KIAA0825: variants seen among roughly 807,000 people sequenced by gnomAD.
KIAA0825 encodes the protein KIAA0825.
KIAA0825 carries 119 observed loss-of-function variants against 147.6 expected under a neutral mutation model. That is an observed-to-expected ratio of 0.81 (90% CI 0.69 to 0.94). KIAA0825 has a LOEUF of 0.94. Ranked by LOEUF, KIAA0825 falls within the 40% of genes least tolerant of loss-of-function variation. The pLI is 0.00. For missense variants in KIAA0825, 1,381 were observed against 1,472.7 expected, an observed-to-expected ratio of 0.94 and a Z score of 1.02; for synonymous variants, 470 against 518.1, an observed-to-expected ratio of 0.91 and a Z score of 1.26.
chr5:94,330,279 C>T (rs1781137291), intron 20 of KIAA0825, among the ~76,000 whole-genome samples: 1 of 152,080 alleles, frequency 6.6e-6, no homozygotes, highest in Non-Finnish European at 1.5e-5. Flanking sequence ...TAGCAGAAAA[C>T]ATTCATTTCA....
intron 5 of KIAA0825, among the ~76,000 whole-genome samples, chr5:94,489,198 G>C (rs911420496): frequency 6.6e-6 from 1 of 152,090 alleles, no homozygotes; most frequent in East Asian, 1.9e-4. Flanking sequence ...AAGCCTCCTA[G>C]ACCTTCTCAT....
At chr5:94,193,131 A>C (rs1474087829) in intron 20 of KIAA0825, among the ~76,000 whole-genome samples, 1 of 152,208 alleles carries the variant, frequency 6.6e-6, no homozygotes, top group Non-Finnish European at 1.5e-5. Context: ...CAGCTTAGCT[A>C]GGTGAAAGAA....
intron 2 of KIAA0825, among the ~76,000 whole-genome samples, chr5:94,549,399 T>C (rs1655881264): frequency 1.3e-5 from 2 of 152,140 alleles, no homozygotes; most frequent in Admixed American, 1.3e-4. Flanking sequence ...AAACAAATGA[T>C]AATGGAAACA....
At chr5:94,347,752 A>G (rs1453706142) in intron 20 of KIAA0825, among the ~76,000 whole-genome samples, 1 of 152,178 alleles carries the variant, frequency 6.6e-6, no homozygotes, top group Admixed American at 6.6e-5. Flanking sequence ...ACTCCCAAAA[A>G]TCACACTAGT....
intron 20 of KIAA0825, among the ~76,000 whole-genome samples, chr5:94,376,542 C>G (rs1419438591): frequency 1.3e-5 from 2 of 152,148 alleles, no homozygotes; most frequent in African/African-American, 2.4e-5. Context: ...TCCCTTAGCC[C>G]TACAAATTCT....
At chr5:94,169,322 C>T (rs1768365212) in intron 20 of KIAA0825, among the ~76,000 whole-genome samples, 1 of 152,062 alleles carries the variant, frequency 6.6e-6, no homozygotes, top group Admixed American at 6.5e-5. Context: ...TGGTTCATGC[C>T]TGTAATCTCA....
chr5:94,191,487 A>T (rs1017958848), intron 20 of KIAA0825, among the ~76,000 whole-genome samples: 1 of 152,344 alleles, frequency 6.6e-6, no homozygotes, highest in Admixed American at 6.5e-5. Context: ...AATCATTTTA[A>T]ATGCCATAAT....
At chr5:94,424,075 CCTTA>C (rs749037077) in intron 14 of KIAA0825, among the ~76,000 whole-genome samples, 5 of 152,028 alleles carry the variant, frequency 3.3e-5, no homozygotes, top group Non-Finnish European at 7.4e-5. Context: ...AGCAAACAGG[CCTTA>C]CTAAGTTTCC....
intron 6 of KIAA0825, among the ~76,000 whole-genome samples, chr5:94,481,842 C>T (rs541139694): frequency 6.6e-6 from 1 of 152,148 alleles, no homozygotes; most frequent in East Asian, 1.9e-4. Flanking sequence ...ATTGAAGCAG[C>T]CATTGCTCTT....
chr5:94,586,178 A>G (rs1156236602), intron 1 of KIAA0825, among the ~76,000 whole-genome samples: 1 of 152,192 alleles, frequency 6.6e-6, no homozygotes, highest in Non-Finnish European at 1.5e-5. Flanking sequence ...AAGACAAGAA[A>G]TAACTAAGAT....
At chr5:94,366,699 T>C (rs1285612101) in intron 20 of KIAA0825, among the ~76,000 whole-genome samples, 1 of 152,248 alleles carries the variant, frequency 6.6e-6, no homozygotes, top group East Asian at 1.9e-4. Flanking sequence ...ATTTTCCCTG[T>C]GTTTGAAATG....
At chr5:94,363,558 G>T (rs1319588968) in intron 20 of KIAA0825, among the ~76,000 whole-genome samples, 2 of 152,116 alleles carry the variant, frequency 1.3e-5, no homozygotes, top group African/African-American at 2.4e-5. Context: ...CTTCTAATGA[G>T]CATATATGTG....
chr5:94,350,174 C>G (rs943583565), intron 20 of KIAA0825, among the ~76,000 whole-genome samples: 6 of 151,972 alleles, frequency 3.9e-5, no homozygotes, highest in Non-Finnish European at 8.8e-5. Context: ...AACTAGGAAA[C>G]CTAGAAGAGA....
chr5:94,412,768 G>A (rs1425608166), intron 15 of KIAA0825, among the ~76,000 whole-genome samples: 6 of 152,064 alleles, frequency 3.9e-5, no homozygotes, highest in Non-Finnish European at 7.4e-5. Flanking sequence ...AGTACTTACT[G>A]AAGAGAAATG....
intron 20 of KIAA0825, among the ~76,000 whole-genome samples, chr5:94,367,139 T>C (rs1165693921): frequency 6.6e-6 from 1 of 152,240 alleles, no homozygotes; most frequent in Non-Finnish European, 1.5e-5. Flanking sequence ...ATTTTGCTTC[T>C]AAGACAAGTT....
intron 5 of KIAA0825, among the ~76,000 whole-genome samples, chr5:94,503,460 ACTT>A (rs1190832217): frequency 1.3e-5 from 2 of 152,144 alleles, no homozygotes; most frequent in African/African-American, 4.8e-5. Flanking sequence ...AAGTGAATCC[ACTT>A]CTTCTCTGGT....
intron 9 of KIAA0825, 74 bp from the exon 10 acceptor site, chr5:94,470,185 C>A: frequency 9.3e-7 from 1 of 1,078,334 alleles, no homozygotes; most frequent in Non-Finnish European, 1.3e-6. Context: ...TCCAGTACTA[C>A]AAATGGTTTT....
intron 2 of KIAA0825, among the ~76,000 whole-genome samples, chr5:94,579,447 T>A (rs1224042554): frequency 1.3e-5 from 2 of 152,220 alleles, no homozygotes; most frequent in African/African-American, 4.8e-5. Flanking sequence ...ATATATTGTA[T>A]CCCATTAGAA....
chr5:94,474,969 G>A (rs1388864073), intron 7 of KIAA0825, among the ~76,000 whole-genome samples: 3 of 151,918 alleles, frequency 2.0e-5, no homozygotes, highest in Admixed American at 6.6e-5. Context: ...CGTGCCTGTA[G>A]TCCCAGCTAC....
Sources: allele counts gnomAD v4.1 joint callset (sites outside exome capture counted in the v4.1 genomes callset), GRCh38; gene constraint gnomAD v4.1.1; transcripts MANE v1.5; gene names NCBI Gene and HGNC (gene_info 2026-07-23, HGNC 2026-07-21).